VWA8: variants seen among roughly 807,000 people sequenced by gnomAD.
The protein encoded by VWA8 is von Willebrand factor A domain-containing protein 8.
VWA8 carries 221 observed loss-of-function variants against 241.5 expected under a neutral mutation model. The ratio of observed to expected loss-of-function variants is 0.91; its 90% confidence interval spans 0.82 to 1.02. The LOEUF (loss-of-function observed/expected upper bound fraction) is 1.02, where lower values mean the gene tolerates loss of function less well. Ranked by LOEUF, VWA8 falls within the 50% of genes least tolerant of loss-of-function variation. The probability of loss-of-function intolerance (pLI) is 0.00; values close to 1 mark genes in which losing one functional copy is unlikely to be tolerated. For missense variants in VWA8, 2,322 were observed against 2,328.7 expected (o/e 1.00, Z 0.06); for synonymous variants, 852 against 827.1 (o/e 1.03, Z -0.52).
chr13:41,671,313 G>A (rs12875049), intron 36 of VWA8, among the ~76,000 whole-genome samples, 166 bp from the exon 37 acceptor site: 2,587 of 152,154 alleles, frequency 0.017, 22 homozygotes, highest in South Asian at 0.047. Context: ...ATGAGGATAC[G>A]CTATGAGCAA....
intron 10 of VWA8, 138 bp from the exon 11 acceptor site, chr13:41,866,174 C>G: frequency 9.2e-7 from 1 of 1,087,726 alleles, no homozygotes; most frequent in Non-Finnish European, 1.3e-6. Flanking sequence ...ATGGTGAAAC[C>G]CCATCTCTAC....
At chr13:41,711,352 C>T (rs1487237977) in intron 26 of VWA8, among the ~76,000 whole-genome samples, 1 of 152,122 alleles carries the variant, frequency 6.6e-6, no homozygotes, top group Admixed American at 6.6e-5. Context: ...CTGTTTGAAC[C>T]CAATCTACAG....
Position 41,910,845 on chromosome 13 carries a change from C to T in VWA8, c.372+1193G>A, listed in dbSNP as rs1245703133. On this transcript the variant is annotated intron_variant, in intron 3 of 44. Coordinates refer to ENST00000379310, the MANE Select transcript of VWA8 (RefSeq NM_015058.2). ...TTTTTGAAGTACCAAAGAAGATTCG[C>T]CACTGAAATAAAAGAGTGTACAAGG... Among the ~76,000 whole-genome samples the T allele has an allele frequency of 3.9e-5, 6 of 152,054 alleles. No homozygotes were observed. In the East Asian group the frequency reaches 9.7e-4, roughly 25 times the overall value.
intron 37 of VWA8, among the ~76,000 whole-genome samples, chr13:41,655,112 A>C (rs985039276): frequency 6.8e-6 from 1 of 147,536 alleles, no homozygotes; most frequent in African/African-American, 2.5e-5. Context: ...TTTTTTTGAG[A>C]CAGAGTCTCG....
chr13:41,959,212 A>C (rs1039968078), intron 1 of VWA8, among the ~76,000 whole-genome samples: 2 of 152,200 alleles, frequency 1.3e-5, no homozygotes, highest in Non-Finnish European at 2.9e-5. Flanking sequence ...ATAAATCCTC[A>C]CAACAACCAT....
At chr13:41,657,022 A>G (rs772060686) in intron 37 of VWA8, among the ~76,000 whole-genome samples, 9 of 152,078 alleles carry the variant, frequency 5.9e-5, no homozygotes, top group Non-Finnish European at 8.8e-5. Context: ...CTGACCAATC[A>G]AAGTATGCCA....
intron 37 of VWA8, among the ~76,000 whole-genome samples, chr13:41,617,939 C>A (rs1201935975): frequency 6.6e-6 from 1 of 151,952 alleles, no homozygotes; most frequent in Admixed American, 6.6e-5. Flanking sequence ...AATAAACATA[C>A]GTGTGCATGT....
Position 41,811,277 on chromosome 13 carries a change from G to T in VWA8, c.2011C>A (p.Gln671Lys). 6.2e-7 allele frequency: 1 copy of T among 1,611,316 alleles called. No homozygotes were observed. The highest frequency in any genetic ancestry group is 1.1e-5 in the South Asian group (1 of 90,818). The change falls in exon 17 of 45, where the codon CAG becomes AAG. Residue 671 changes from glutamine (Q) to lysine (K), a missense_variant. By Grantham distance (53) the Gln-to-Lys change is moderately conservative. Transcript: ENST00000379310. ...CTGTGAAGATTTTCATTAGGATACTGTGACAGCCGACGAGAAATTCGCAAC... is the reference window on the plus strand; with the variant it reads ...CTGTGAAGATTTTCATTAGGATACTTTGACAGCCGACGAGAAATTCGCAAC... ...QLLRISRRLS[Q>K]YPNENLHSAV...
At position 41,924,649 on chromosome 13, in the gene VWA8, G is replaced by T. The variant is rs1351080756; in HGVS notation, c.242-12481C>A. 2.0e-5 allele frequency among the ~76,000 whole-genome samples: 3 copies of T among 152,068 alleles called. No homozygotes were observed. The South Asian group carries it at 6.2e-4, about 32-fold the overall frequency. On this transcript the variant is annotated intron_variant, in intron 2 of 44. Coordinates refer to ENST00000379310, the MANE Select transcript of VWA8 (RefSeq NM_015058.2). ...GAGGTCCAGAATTCCTAGGCCCGGG[G>T]TCTTACAAAATTACTGAAACACTAT...
At chr13:41,597,082 G>C (rs952273597) in intron 40 of VWA8, among the ~76,000 whole-genome samples, 1 of 152,002 alleles carries the variant, frequency 6.6e-6, no homozygotes, top group Non-Finnish European at 1.5e-5. Flanking sequence ...TTGTTATAGA[G>C]AGTTTATACA....
chr13:41,605,395 G>A, intron 39 of VWA8, 119 bp from the exon 40 acceptor site: 1 of 926,040 alleles, frequency 1.1e-6, no homozygotes, highest in Non-Finnish European at 1.7e-6. Context: ...TTCATGTTGA[G>A]GAGAAAAGGC....
intron 2 of VWA8, among the ~76,000 whole-genome samples, chr13:41,912,796 T>C (rs1199291403): frequency 2.0e-5 from 3 of 152,220 alleles, no homozygotes; most frequent in South Asian, 2.1e-4. Context: ...GACCACCCCA[T>C]GCAACGCCCT....
chr13:41,585,372 G>A (rs1399892305), intron 42 of VWA8, among the ~76,000 whole-genome samples: 1 of 152,182 alleles, frequency 6.6e-6, no homozygotes, highest in Non-Finnish European at 1.5e-5. Context: ...CAGTCCTGGG[G>A]AGGGAGCTGT....
At chr13:41,719,890 A>G in intron 25 of VWA8, 148 bp from the exon 26 acceptor site, 1 of 752,456 alleles carries the variant, frequency 1.3e-6, no homozygotes. Context: ...AGGAATGTAG[A>G]CATTTTTCCC....
chr13:41,578,203 G>T (rs1014178301), intron 42 of VWA8, among the ~76,000 whole-genome samples: 1 of 151,580 alleles, frequency 6.6e-6, no homozygotes, highest in African/African-American at 2.4e-5. Context: ...CTCTTATTTG[G>T]GTAAGGAAAG....
In VWA8 at chr13:41,883,313, T is replaced by G. The variant is rs1226238896; in HGVS notation, c.1080+74A>C. The G allele has an allele frequency of 9.5e-6, 11 of 1,158,876 alleles. No individual in the cohort carries two copies. In the Admixed American group the frequency reaches 1.8e-4, roughly 19 times the overall value. 71.8% of individuals were successfully genotyped at this position (1,158,876 alleles called of 1,614,324 possible). A position where few individuals can be genotyped will look rare whatever the true frequency, so the allele number is the denominator to read the frequency against. ...AAAATAGGAAAGGTGGGGAAAGGAGTGAGGGGAAGATGGGAAAAGGCAAGG... is the reference window on the plus strand; with the variant it reads ...AAAATAGGAAAGGTGGGGAAAGGAGGGAGGGGAAGATGGGAAAAGGCAAGG... On this transcript the variant is annotated intron_variant, in intron 9 of 44. Transcript: ENST00000379310.
chr13:41,821,246 C>T (rs1447820712), intron 14 of VWA8, among the ~76,000 whole-genome samples: 1 of 152,134 alleles, frequency 6.6e-6, no homozygotes, highest in African/African-American at 2.4e-5. Context: ...ACTCCAGCAG[C>T]GTTCTTAAGT....
intron 41 of VWA8, 56 bp from the exon 42 acceptor site, chr13:41,587,726 G>T: frequency 1.3e-6 from 2 of 1,599,114 alleles, no homozygotes; most frequent in South Asian, 1.1e-5. Context: ...TCCCCTGGTG[G>T]CTGTCTTGGG....
chr13:41,788,923 TAGATTACACTCCAAAGCCTGCAG>T, intron 17 of VWA8, among the ~76,000 whole-genome samples: 1 of 152,310 alleles, frequency 6.6e-6, no homozygotes, highest in Middle Eastern at 3.4e-3. Flanking sequence ...GAAACATTTC[TAGATTACACTCCAAAGCCTGCAG>T]AGAATAGCAA....
Sources: gnomAD v4.1 joint callset for allele counts (sites outside exome capture counted in the v4.1 genomes callset) on GRCh38, gnomAD v4.1.1 for gene constraint, MANE v1.5 for transcripts, NCBI Gene and HGNC (gene_info 2026-07-23, HGNC 2026-07-21) for gene names.